Variants in EYS observed in about 807,000 individuals in gnomAD.
EYS encodes the protein protein eyes shut homolog.
A neutral mutation model predicts 282.1 loss-of-function variants in EYS; 250 were observed. The ratio of observed to expected loss-of-function variants is 0.89; its 90% CI spans 0.80 to 0.98. The LOEUF (loss-of-function observed/expected upper bound fraction) is 0.98, where lower values mean the gene tolerates loss of function less well. Among genes scored for constraint, EYS ranks in the 50% least tolerant of loss-of-function variants. The pLI is 0.00. For synonymous variants in EYS, 1,355 were observed against 1,282.9 expected (o/e 1.06, Z -1.20); for missense variants, 4,016 against 3,709.0 (o/e 1.08, Z -2.15).
At chr6:64,425,771 G>A (rs1484596306) in intron 28 of EYS, among the ~76,000 whole-genome samples, 3 of 151,708 alleles carry the variant, frequency 2.0e-5, no homozygotes, top group Non-Finnish European at 4.4e-5. Context: ...GAAAAGGCTT[G>A]AATATAAAGA....
chr6:64,330,316 A>G (rs1181438316), intron 29 of EYS, among the ~76,000 whole-genome samples: 7 of 152,186 alleles, frequency 4.6e-5, no homozygotes, highest in Non-Finnish European at 1.0e-4. Context: ...CTGGCACTGG[A>G]CAACAAGTGT....
At chr6:64,068,662 T>C (rs1234189288) in intron 32 of EYS, among the ~76,000 whole-genome samples, 1 of 151,656 alleles carries the variant, frequency 6.6e-6, no homozygotes, top group African/African-American at 2.4e-5. Context: ...ATAATAAATA[T>C]ATATATATAA....
chr6:64,806,664 T>C (rs1764438840), intron 22 of EYS, among the ~76,000 whole-genome samples: 1 of 151,742 alleles, frequency 6.6e-6, no homozygotes, highest in African/African-American at 2.4e-5. Context: ...GGCAAGAATA[T>C]GAAACACTTC....
chr6:64,128,778 ATAATCATTATGCTAAT>A (rs1372503087), intron 31 of EYS, among the ~76,000 whole-genome samples: 41 of 152,224 alleles, frequency 2.7e-4, no homozygotes, highest in Non-Finnish European at 1.9e-4. Flanking sequence ...CTTCTAAGCA[ATAATCATTATGCTAAT>A]GCTTACTGCT....
intron 29 of EYS, among the ~76,000 whole-genome samples, chr6:64,346,518 C>T (rs1771402860): frequency 6.6e-6 from 1 of 150,678 alleles, no homozygotes; most frequent in Non-Finnish European, 1.5e-5. Flanking sequence ...CACATGGGTA[C>T]AGGAAGGGGA....
rs1271292062 is a variant in EYS at position 63,721,892 on chromosome 6, A to G, written c.8234-95T>C. 54 of 1,187,278 alleles carry G rather than the reference A, an allele frequency of 4.5e-5. No homozygotes were observed. In the East Asian group the frequency reaches 1.3e-3, roughly 29 times the overall value. 73.5% of individuals were successfully genotyped at this position (1,187,278 alleles called of 1,614,324 possible). A position where few individuals can be genotyped will look rare whatever the true frequency, so the allele number is the denominator to read the frequency against. On this transcript the variant is annotated intron_variant, in intron 42 of 42. Transcript: ENST00000503581. ...TGGCCAAGTTGGATAAGTTTTAGTTATGGGGAAAAAAGTAACAGATCTTGA... is the reference window on the plus strand; with the variant it reads ...TGGCCAAGTTGGATAAGTTTTAGTTGTGGGGAAAAAAGTAACAGATCTTGA...
intron 37 of EYS, among the ~76,000 whole-genome samples, chr6:63,805,217 A>T (rs1770874271): frequency 6.6e-6 from 1 of 152,222 alleles, no homozygotes; most frequent in South Asian, 2.1e-4. Flanking sequence ...TTAATTGCTT[A>T]ACTGTTGATT....
At chr6:65,057,809 C>T (rs1337551212) in intron 12 of EYS, 82 bp from the exon 13 acceptor site, 1 of 927,886 alleles carries the variant, frequency 1.1e-6, no homozygotes, top group African/African-American at 1.7e-5. Context: ...TTGCACAAGC[C>T]TTTAATCCAC....
At chr6:64,742,132 AAAACTTAGATATCAAT>A (rs1772395343) in intron 22 of EYS, among the ~76,000 whole-genome samples, 1 of 152,142 alleles carries the variant, frequency 6.6e-6, no homozygotes, top group African/African-American at 2.4e-5. Context: ...CTTTCACCTA[AAAACTTAGATATCAAT>A]ATAGGGTTAT....
chr6:64,252,437 G>C (rs1487472940), intron 30 of EYS, among the ~76,000 whole-genome samples: 1 of 151,908 alleles, frequency 6.6e-6, no homozygotes, highest in Non-Finnish European at 1.5e-5. Flanking sequence ...AATCCAATTG[G>C]CTTCCTTGAC....
At chr6:64,425,340 C>G (rs1582737321) in intron 28 of EYS, among the ~76,000 whole-genome samples, 1 of 152,118 alleles carries the variant, frequency 6.6e-6, no homozygotes, top group East Asian at 1.9e-4. Flanking sequence ...CAAGAGAGAA[C>G]TGCCAGAGCC....
At chr6:64,296,225 G>C (rs1768979890) in intron 30 of EYS, among the ~76,000 whole-genome samples, 1 of 151,954 alleles carries the variant, frequency 6.6e-6, no homozygotes, top group Non-Finnish European at 1.5e-5. Context: ...GTATGTGTTG[G>C]GAGGCCAGAA....
chr6:64,787,071 C>T (rs1306864498), intron 22 of EYS, among the ~76,000 whole-genome samples: 4 of 152,196 alleles, frequency 2.6e-5, no homozygotes, highest in Non-Finnish European at 4.4e-5. Flanking sequence ...CGCTTTTCAA[C>T]ATCAAACCAG....
chr6:64,712,564 G>A (rs1010861916), intron 22 of EYS, among the ~76,000 whole-genome samples: 1 of 152,222 alleles, frequency 6.6e-6, no homozygotes, highest in Non-Finnish European at 1.5e-5. Context: ...AACAACAGAG[G>A]AATTAATGTT....
At chr6:64,213,819 G>A in intron 31 of EYS, among the ~76,000 whole-genome samples, 1 of 152,076 alleles carries the variant, frequency 6.6e-6, no homozygotes, top group East Asian at 1.9e-4. Flanking sequence ...TTAAAATGAA[G>A]GAAACATTGC....
chr6:64,816,562 A>T (rs1305997749), intron 21 of EYS, among the ~76,000 whole-genome samples: 1 of 152,138 alleles, frequency 6.6e-6, no homozygotes, highest in Non-Finnish European at 1.5e-5. Context: ...TTAGGGATTC[A>T]AGATTTATGC....
intron 18 of EYS, among the ~76,000 whole-genome samples, chr6:64,897,487 A>G (rs1294386084): frequency 6.6e-6 from 1 of 152,192 alleles, no homozygotes; most frequent in African/African-American, 2.4e-5. Context: ...CAAATCCACA[A>G]AGATGAGGAA....
rs1770905350 is a variant in EYS at position 63,806,239 on chromosome 6, G to A, written c.7362C>T (p.His2454=). ...ATATCAAGTTATTTTGCAGTGCTGA[G>A]TGGTTGTTTGCCAGCTGAAACTTCA... ...FHLKFQLANN[H]SALQNNLIFF... The change falls in exon 37 of 43, where the codon CAC becomes CAT. Residue 2454 remains histidine (H), a synonymous_variant. Coordinates refer to ENST00000503581, the MANE Select transcript of EYS (RefSeq NM_001142800.2). 6.4e-7 allele frequency: 1 copy of A among 1,551,626 alleles called. No individual in the cohort carries two copies. Among genetic ancestry groups the A allele is most frequent in the Non-Finnish European group, 8.7e-7 (1 of 1,146,924 alleles).
At chr6:64,173,427 G>A (rs959393512) in intron 31 of EYS, among the ~76,000 whole-genome samples, 1 of 152,134 alleles carries the variant, frequency 6.6e-6, no homozygotes, top group Non-Finnish European at 1.5e-5. Context: ...AAGCTGGTAG[G>A]AATCAGTCCT....
Sources: allele counts gnomAD v4.1 joint callset (sites outside exome capture counted in the v4.1 genomes callset), GRCh38; gene constraint gnomAD v4.1.1; transcripts MANE v1.5; gene names NCBI Gene and HGNC (gene_info 2026-07-23, HGNC 2026-07-21).